MGAT5: variants seen among roughly 807,000 people sequenced by gnomAD.
MGAT5 encodes alpha-1,6-mannosylglycoprotein 6-beta-N-acetylglucosaminyltransferase A.
A neutral mutation model predicts 94.3 loss-of-function variants in MGAT5; 30 were observed. That is an observed-to-expected ratio of 0.32 (90% confidence interval 0.24 to 0.43). The LOEUF is 0.43. MGAT5 is among the 20% of genes least tolerant of loss of function. MGAT5 has a pLI of 1.00. For synonymous variants in MGAT5, 310 were observed against 322.9 expected, an observed-to-expected ratio of 0.96 and a Z score of 0.43; for missense variants, 691 against 905.5, an observed-to-expected ratio of 0.76 and a Z score of 3.04.
intron 10 of MGAT5, among the ~76,000 whole-genome samples, chr2:134,370,885 C>T (rs1208727284): frequency 6.6e-6 from 1 of 152,228 alleles, no homozygotes; most frequent in African/African-American, 2.4e-5. Context: ...CTGACTATAA[C>T]ATAACCCCAT....
intron 12 of MGAT5, among the ~76,000 whole-genome samples, chr2:134,417,211 A>G (rs1341402803): frequency 1.3e-5 from 2 of 152,116 alleles, no homozygotes; most frequent in African/African-American, 4.8e-5. Flanking sequence ...GAAAAGTTGC[A>G]AAAATAATAT....
chr2:134,379,128 C>T (rs908308407), intron 10 of MGAT5, among the ~76,000 whole-genome samples: 1 of 152,180 alleles, frequency 6.6e-6, no homozygotes, highest in African/African-American at 2.4e-5. Context: ...CTGTTCTTCC[C>T]CACCTTTTGC....
chr2:134,432,944 C>T (rs1490974279), intron 14 of MGAT5, among the ~76,000 whole-genome samples: 2 of 152,204 alleles, frequency 1.3e-5, no homozygotes, highest in African/African-American at 2.4e-5. Context: ...GTATAGTTTA[C>T]AGACCATAAA....
At chr2:134,415,913 A>G (rs1683933016) in intron 12 of MGAT5, among the ~76,000 whole-genome samples, 1 of 152,148 alleles carries the variant, frequency 6.6e-6, no homozygotes, top group African/African-American at 2.4e-5. Flanking sequence ...GTCGTTGGGA[A>G]TCAGTTCTTT....
chr2:134,278,702 A>G (rs1684523251), intron 2 of MGAT5, among the ~76,000 whole-genome samples: 1 of 152,150 alleles, frequency 6.6e-6, no homozygotes, highest in Non-Finnish European at 1.5e-5. Flanking sequence ...TTCTGCCTCC[A>G]TTTTAAGCAC....
chr2:134,300,628 T>C (rs2105819155), intron 2 of MGAT5, among the ~76,000 whole-genome samples: 1 of 152,276 alleles, frequency 6.6e-6, no homozygotes, highest in South Asian at 2.1e-4. Context: ...GATTAAACTT[T>C]AGTTTTATGC....
intron 2 of MGAT5, among the ~76,000 whole-genome samples, chr2:134,293,955 A>G (rs943285899): frequency 5.9e-5 from 9 of 152,128 alleles, no homozygotes; most frequent in Non-Finnish European, 1.0e-4. Flanking sequence ...GCTGGACCAC[A>G]TCCTAGGCAG....
chr2:134,390,469 C>T (rs1682335314), intron 10 of MGAT5, among the ~76,000 whole-genome samples: 1 of 152,184 alleles, frequency 6.6e-6, no homozygotes. Flanking sequence ...TCGTCATTTA[C>T]ATTAGGTATA....
chr2:134,201,714 G>A (rs992836487), intron 1 of MGAT5, among the ~76,000 whole-genome samples: 1 of 152,038 alleles, frequency 6.6e-6, no homozygotes, highest in African/African-American at 2.4e-5. Flanking sequence ...TAATGAGAAG[G>A]CAGAATGGTT....
intron 10 of MGAT5, among the ~76,000 whole-genome samples, chr2:134,369,727 T>TTTGTGTGTGTGTGTGTG (rs1553455659): frequency 1.4e-5 from 2 of 142,196 alleles, no homozygotes; most frequent in African/African-American, 5.3e-5. Flanking sequence ...GGTTTTTACA[T>TTTGTGTGTGTGTGTGTG]TGTGTGTGTG....
intron 9 of MGAT5, among the ~76,000 whole-genome samples, chr2:134,350,320 A>T (rs1679301743): frequency 6.6e-6 from 1 of 152,192 alleles, no homozygotes. Context: ...TTTCATGCAG[A>T]TCTATTTTCC....
chr2:134,244,260 A>G (rs918054605), intron 1 of MGAT5, among the ~76,000 whole-genome samples: 4 of 149,906 alleles, frequency 2.7e-5, no homozygotes, highest in Admixed American at 1.3e-4. Context: ...AAGCCTGTTC[A>G]TGGTTTCCTG....
At chr2:134,435,496 A>G (rs1685120327) in intron 14 of MGAT5, among the ~76,000 whole-genome samples, 1 of 152,080 alleles carries the variant, frequency 6.6e-6, no homozygotes, top group Non-Finnish European at 1.5e-5. Context: ...CCACCTTTTA[A>G]TGTACTATAT....
rs771313681 is a variant in MGAT5 at position 134,318,686 on chromosome 2, G to T, written c.520G>T (p.Ala174Ser). ...KDMWRSDPCYADYGVDGSTCS... is the reference protein window; with the variant it reads ...KDMWRSDPCYSDYGVDGSTCS... ...CATGTGGCGTTCAGATCCCTGCTAC[G>T]CAGACTATGGAGTGGATGGATCCAC... Residue 174 changes from alanine (A) to serine (S), a missense_variant, in exon 4 of 16, where the codon GCA (alanine) becomes TCA (serine). Ala to Ser is a moderately conservative substitution (Grantham distance 99). This residue lies in a region of MGAT5 where 307 missense variants were observed against 335.4 expected (regional missense o/e 0.92). Coordinates refer to ENST00000281923, the MANE Select transcript of MGAT5 (RefSeq NM_002410.5). The T allele has an allele frequency of 1.9e-6, 3 of 1,613,452 alleles. No homozygotes were observed. The highest frequency in any genetic ancestry group is 1.7e-6 in the Non-Finnish European group (2 of 1,179,494).
At chr2:134,422,112 A>G (rs942764877) in intron 12 of MGAT5, among the ~76,000 whole-genome samples, 50 of 152,134 alleles carry the variant, frequency 3.3e-4, no homozygotes, top group Non-Finnish European at 7.3e-5. Flanking sequence ...CAGGAGTTTG[A>G]GGCTGCAGTG....
chr2:134,217,408 G>T (rs892191850), intron 1 of MGAT5, among the ~76,000 whole-genome samples: 2 of 152,126 alleles, frequency 1.3e-5, no homozygotes, highest in Non-Finnish European at 2.9e-5. Context: ...AGTTTTCATT[G>T]TATGTATGTG....
chr2:134,448,649 G>A lies in MGAT5; in HGVS notation c.2028G>A (p.Lys676=), dbSNP rs544981558. The A allele has an allele frequency of 6.2e-7, 1 of 1,614,112 alleles. No homozygotes were observed. Among genetic ancestry groups the A allele is most frequent in the African/African-American group, 1.3e-5 (1 of 75,044 alleles). The change falls in exon 16 of 16, where the codon AAG becomes AAA. Residue 676 remains lysine (K), a splice_region_variant and synonymous_variant. Coordinates refer to ENST00000281923, the MANE Select transcript of MGAT5 (RefSeq NM_002410.5). ...CTTGTGCCTTTCTCTTCCTCTTCAG[G>A]TACAAGGTGACCTGCCAAAGCTCAG... The part of the protein sequence containing the change: ...QHLNKDKDML[K]YKVTCQSSEL...
chr2:134,448,574 G>A (rs1391859396), intron 15 of MGAT5, 75 bp from the exon 16 acceptor site: 23 of 1,378,110 alleles, frequency 1.7e-5, no homozygotes, highest in Non-Finnish European at 2.3e-5. Context: ...TCAAGATGGG[G>A]GCTCACAGGG....
intron 10 of MGAT5, among the ~76,000 whole-genome samples, chr2:134,369,911 G>A (rs973214560): frequency 2.0e-5 from 3 of 152,168 alleles, no homozygotes; most frequent in African/African-American, 7.2e-5. Flanking sequence ...TCAAGGAGCA[G>A]CCACACAGGA....
Sources: allele counts gnomAD v4.1 joint callset (sites outside exome capture counted in the v4.1 genomes callset), GRCh38; gene constraint gnomAD v4.1.1; regional missense constraint gnomAD v4.1.1; transcripts MANE v1.5; gene names NCBI Gene and HGNC (gene_info 2026-07-23, HGNC 2026-07-21).